Variants in OR9Q1 observed in about 807,000 individuals in gnomAD.
The protein encoded by OR9Q1 is olfactory receptor 9Q1.
For synonymous variants in OR9Q1, 153 were observed against 148.6 expected (o/e 1.03, Z -0.22); for missense variants, 374 against 378.8 (o/e 0.99, Z 0.11).
intron 2 of OR9Q1, chr11:58,145,449 G>A (rs2119881921): frequency 6.6e-6 from 1 of 152,296 alleles, no homozygotes; most frequent in Admixed American, 6.5e-5. Context: ...CAAGCCAGAA[G>A]TTTCTGCAAA....
intron 2 of OR9Q1, among the ~76,000 whole-genome samples, chr11:58,154,574 A>C (rs548910310): frequency 6.6e-6 from 1 of 152,306 alleles, no homozygotes; most frequent in South Asian, 2.1e-4. Context: ...GAAATTAATC[A>C]TACATTTCAA....
intron 2 of OR9Q1, among the ~76,000 whole-genome samples, chr11:58,088,228 G>A (rs562113705): frequency 6.6e-6 from 1 of 152,074 alleles, no homozygotes; most frequent in South Asian, 2.1e-4. Flanking sequence ...TCATTGATGA[G>A]CATTTGGGTT....
intron 2 of OR9Q1, among the ~76,000 whole-genome samples, chr11:58,149,977 T>A: frequency 6.6e-6 from 1 of 152,218 alleles, no homozygotes; most frequent in East Asian, 1.9e-4. Context: ...GCATAGTGTA[T>A]ACTACTTAAA....
At chr11:58,040,532 A>G (rs1046705026) in intron 1 of OR9Q1, among the ~76,000 whole-genome samples, 1 of 152,204 alleles carries the variant, frequency 6.6e-6, no homozygotes, top group Non-Finnish European at 1.5e-5. Context: ...TCCTCACTGT[A>G]TGAGGTGCTG....
intron 1 of OR9Q1, chr11:58,031,415 G>C: frequency 6.2e-7 from 1 of 1,614,150 alleles, no homozygotes; most frequent in Non-Finnish European, 8.5e-7. Context: ...CTGTTGGCTG[G>C]TAGGTTTCCT....
intron 2 of OR9Q1, chr11:58,116,975 C>T (rs770769824): frequency 1.1e-4 from 17 of 152,124 alleles, no homozygotes; most frequent in Non-Finnish European, 2.4e-4. Flanking sequence ...GGTAAGTACT[C>T]GTTTGTTTTA....
rs754399380 is a variant in OR9Q1 at position 58,083,161 on chromosome 11, T to C, written c.-15+27214T>C. Among the ~76,000 whole-genome samples, 186 of 152,142 alleles carry C rather than the reference T, an allele frequency of 1.2e-3. 1 individual carries two copies. The highest frequency in any genetic ancestry group is 6.6e-4 in the Non-Finnish European group (45 of 68,042). ...TACGGAGTTAAGTCTTACATTTAAG[T>C]CTTTAATCCATCTTTAATTTTTGTA... On this transcript the variant is annotated intron_variant, in intron 2 of 2. Transcript: ENST00000335397.
Position 58,180,382 on chromosome 11 carries a change from C to A in OR9Q1, c.*5C>A. On this transcript the variant is annotated 3_prime_UTR_variant, in exon 3 of 3. Transcript: ENST00000335397. ...AATAGAGCCAAGTTGTCCTAACCAT[C>A]TCCAAACTTGGAAAATCCCGAGAAC... is the stretch of plus-strand genomic sequence containing the variant. The A allele has an allele frequency of 6.5e-7, 1 of 1,545,870 alleles. No homozygotes were observed. The highest frequency in any genetic ancestry group is 8.7e-7 in the Non-Finnish European group (1 of 1,143,310).
In OR9Q1 at chr11:58,046,400, C is replaced by T. The variant is rs546728826; in HGVS notation, c.-92-9470C>T. On this transcript the variant is annotated intron_variant, in intron 1 of 2. Coordinates refer to ENST00000335397, the MANE Select transcript of OR9Q1 (RefSeq NM_001005212.4). ...GAAATCACGGAGAAAAGAGATAGAA[C>T]GTATTATAGAACATATTATACCAGT... 1.4e-4 allele frequency among the ~76,000 whole-genome samples: 22 copies of T among 152,230 alleles called. No homozygotes were observed. In the South Asian group the frequency reaches 2.9e-3, roughly 20 times the overall value.
chr11:58,161,204 G>C (rs1305491571), intron 2 of OR9Q1, among the ~76,000 whole-genome samples: 1 of 149,586 alleles, frequency 6.7e-6, no homozygotes, highest in Non-Finnish European at 1.5e-5. Flanking sequence ...TAACAAACCT[G>C]CATGTTGTGC....
At chr11:58,095,488 G>A (rs926065216) in intron 2 of OR9Q1, among the ~76,000 whole-genome samples, 9 of 152,224 alleles carry the variant, frequency 5.9e-5, no homozygotes, top group Non-Finnish European at 1.3e-4. Flanking sequence ...AAAGGAAAGA[G>A]GTTTAATTGA....
chr11:58,159,946 T>A (rs1854442560), intron 2 of OR9Q1, among the ~76,000 whole-genome samples: 1 of 152,240 alleles, frequency 6.6e-6, no homozygotes, highest in South Asian at 2.1e-4. Flanking sequence ...GAGCAGATCT[T>A]AATAACTAGT....
At chr11:58,117,812 T>G (rs1335067672) in intron 2 of OR9Q1, 3 of 152,204 alleles carry the variant, frequency 2.0e-5, no homozygotes, top group South Asian at 2.1e-4. Context: ...CATTTCATCT[T>G]GAAGATACCA....
Position 58,158,421 on chromosome 11 carries a change from C to CT in OR9Q1, c.-14-20990dup, listed in dbSNP as rs10600970. 4.6e-3 allele frequency among the ~76,000 whole-genome samples: 609 copies of CT among 133,702 alleles called. 3 individuals are homozygous for CT. The highest frequency in any genetic ancestry group is 0.012 in the Middle Eastern group (3 of 260). 87.7% of individuals were successfully genotyped at this position (133,702 alleles called of 152,430 possible). On this transcript the variant is annotated intron_variant, in intron 2 of 2. Transcript: ENST00000335397. ...ATATAAACATAGCCGCCTAGGTCTGCTTTTTTTTTTTTTTTTTTTTAACAT... is the reference window on the plus strand; with the variant it reads ...ATATAAACATAGCCGCCTAGGTCTGCTTTTTTTTTTTTTTTTTTTTTAACAT...
At chr11:58,042,832 T>C (rs1048322935) in intron 1 of OR9Q1, among the ~76,000 whole-genome samples, 1 of 152,124 alleles carries the variant, frequency 6.6e-6, no homozygotes, top group African/African-American at 2.4e-5. Flanking sequence ...TGAGCAGTGG[T>C]TTGTAGTTCT....
intron 2 of OR9Q1, among the ~76,000 whole-genome samples, chr11:58,082,082 G>A (rs1853592864): frequency 6.6e-6 from 1 of 152,264 alleles, no homozygotes; most frequent in African/African-American, 2.4e-5. Flanking sequence ...ACACCAGTTA[G>A]AATGACAATC....
chr11:58,144,127 A>G (rs1406310237), intron 2 of OR9Q1, among the ~76,000 whole-genome samples: 2 of 151,306 alleles, frequency 1.3e-5, no homozygotes, highest in African/African-American at 2.4e-5. Flanking sequence ...TGCTGCAACC[A>G]TTAACTCGTC....
At chr11:58,138,440 G>A (rs1854209723) in intron 2 of OR9Q1, among the ~76,000 whole-genome samples, 1 of 152,134 alleles carries the variant, frequency 6.6e-6, no homozygotes, top group Non-Finnish European at 1.5e-5. Context: ...ATTAAATTTA[G>A]GAGCAACTTA....
At chr11:58,093,457 A>G (rs1853702200) in intron 2 of OR9Q1, among the ~76,000 whole-genome samples, 2 of 152,200 alleles carry the variant, frequency 1.3e-5, no homozygotes, top group Non-Finnish European at 1.5e-5. Flanking sequence ...ATGCAAATTA[A>G]AACCACAGTC....
Sources: gnomAD v4.1 joint callset for allele counts (sites outside exome capture counted in the v4.1 genomes callset) on GRCh38, gnomAD v4.1.1 for gene constraint, MANE v1.5 for transcripts, NCBI Gene and HGNC (gene_info 2026-07-23, HGNC 2026-07-21) for gene names.